The following CALD1 variants were observed in gnomAD, a reference collection of about 807,000 sequenced individuals.
The protein encoded by CALD1 is caldesmon.
CALD1 carries 33 observed loss-of-function variants against 99.9 expected under a neutral mutation model. That is an observed-to-expected ratio of 0.33 (90% CI 0.25 to 0.44). The LOEUF (loss-of-function observed/expected upper bound fraction) is 0.44, where lower values mean the gene tolerates loss of function less well. Ranked by LOEUF, CALD1 falls within the 20% of genes least tolerant of loss-of-function variation. The pLI is 1.00. For synonymous variants in CALD1, 310 were observed against 325.0 expected (o/e 0.95, Z 0.50); for missense variants, 861 against 962.1 (o/e 0.89, Z 1.39).
intron 1 of CALD1, among the ~76,000 whole-genome samples, chr7:134,756,706 T>G (rs1229393142): frequency 1.3e-5 from 2 of 152,232 alleles, no homozygotes; most frequent in African/African-American, 2.4e-5. Flanking sequence ...TTGATTTTAT[T>G]TCTTCCTGAA....
the CALD1 span, among the ~76,000 whole-genome samples, chr7:134,739,109 C>T: frequency 1.3e-5 from 2 of 152,166 alleles, no homozygotes; most frequent in Admixed American, 1.3e-4. Flanking sequence ...ATAGAAGCAA[C>T]GTAAGTGGGG....
At chr7:134,735,687 C>T in the CALD1 span, among the ~76,000 whole-genome samples, 3 of 151,818 alleles carry the variant, frequency 2.0e-5, no homozygotes, top group African/African-American at 4.8e-5. Context: ...TCTAGTATTG[C>T]TCCTGGGACT....
rs112344568 is a variant in CALD1, at chr7:134,761,581, C to T, written c.-130+17218C>T. On this transcript the variant is annotated intron_variant, in intron 1 of 13. Transcript: ENST00000417172. ...TTAATCTCTTTGATCTTCATATCAA[C>T]TCTTGTGAGGCAGCTACTTTACAAG... is the stretch of plus-strand genomic sequence containing the variant. 7.9e-3 allele frequency among the ~76,000 whole-genome samples: 1,205 copies of T among 152,288 alleles called. 15 individuals are homozygous for T. Among genetic ancestry groups the T allele is most frequent in the African/African-American group, 0.027 (1,124 of 41,554 alleles).
intron 3 of CALD1, among the ~76,000 whole-genome samples, chr7:134,876,057 A>G (rs945294264): frequency 1.3e-5 from 2 of 152,206 alleles, no homozygotes; most frequent in African/African-American, 4.8e-5. Flanking sequence ...GCAGGGGAAC[A>G]TTATGTATTC....
the CALD1 span, among the ~76,000 whole-genome samples, chr7:134,737,206 C>A: frequency 6.6e-6 from 1 of 152,172 alleles, no homozygotes; most frequent in African/African-American, 2.4e-5. Context: ...TTCATTGCAG[C>A]CTTGACCTCC....
At chr7:134,826,139 T>C (rs1798982775) in intron 1 of CALD1, among the ~76,000 whole-genome samples, 1 of 152,214 alleles carries the variant, frequency 6.6e-6, no homozygotes, top group African/African-American at 2.4e-5. Context: ...ACTAGCATTT[T>C]TAAATTCTCT....
intron 1 of CALD1, among the ~76,000 whole-genome samples, chr7:134,815,228 T>C (rs1206486550): frequency 6.6e-6 from 1 of 151,988 alleles, no homozygotes; most frequent in African/African-American, 2.4e-5. Context: ...CACACTAATA[T>C]GGTTGGAATT....
intron 3 of CALD1, among the ~76,000 whole-genome samples, chr7:134,874,020 G>A (rs916298928): frequency 2.6e-5 from 4 of 152,164 alleles, no homozygotes; most frequent in African/African-American, 9.7e-5. Flanking sequence ...AGGCAGGAAT[G>A]CGTGACTGAC....
chr7:134,812,028 C>G (rs17168051), intron 1 of CALD1, among the ~76,000 whole-genome samples: 2,094 of 152,226 alleles, frequency 0.014, 32 homozygotes, highest in African/African-American at 0.038. Flanking sequence ...TTTAAATATC[C>G]ACTCGGCATC....
chr7:134,853,402 A>C (rs1586113597), intron 2 of CALD1, among the ~76,000 whole-genome samples: 1 of 152,188 alleles, frequency 6.6e-6, no homozygotes, highest in East Asian at 1.9e-4. Flanking sequence ...TCCCCGTATG[A>C]ATTCATGTCT....
intron 7 of CALD1, among the ~76,000 whole-genome samples, chr7:134,945,577 G>A (rs1806796838): frequency 6.6e-6 from 1 of 152,100 alleles, no homozygotes; most frequent in Non-Finnish European, 1.5e-5. Flanking sequence ...TTTGTAAGAT[G>A]GGGATAATAA....
chr7:134,944,892 T>C (rs1806738002), intron 7 of CALD1, among the ~76,000 whole-genome samples: 1 of 152,232 alleles, frequency 6.6e-6, no homozygotes, highest in Non-Finnish European at 1.5e-5. Flanking sequence ...TAGTGAAAAC[T>C]CTGCATTCTA....
chr7:134,783,235 C>G lies in CALD1; in HGVS notation c.-130+3486C>G, dbSNP rs1425972124. 2.0e-5 allele frequency among the ~76,000 whole-genome samples: 3 copies of G among 152,156 alleles called. No homozygotes were observed. Reference sequence around the variant, plus strand: ...TCGCCTCTCACCTCTTTGCTTCTGTCTTTAGTGCTCCCAGCTGTAACCGAC... The same window carrying G: ...TCGCCTCTCACCTCTTTGCTTCTGTGTTTAGTGCTCCCAGCTGTAACCGAC... On this transcript the variant is annotated intron_variant, in intron 1 of 14. Transcript: ENST00000361675. This position sits in a 1 kb window ranked among gnomAD's most constrained non-coding sequence, Gnocchi z 4.3.
intron 3 of CALD1, among the ~76,000 whole-genome samples, chr7:134,887,008 C>T (rs907841406): frequency 7.9e-5 from 12 of 152,242 alleles, no homozygotes; most frequent in African/African-American, 2.9e-4. Context: ...AATAAAACTA[C>T]ATGCTCACCA....
rs369898278 is a variant in CALD1 at position 134,933,076 on chromosome 7, C to T, written c.307C>T (p.Arg103Cys). 2.5e-6 allele frequency: 4 copies of T among 1,613,822 alleles called. No homozygotes were observed. The highest frequency in any genetic ancestry group is 3.4e-6 in the Non-Finnish European group (4 of 1,179,920). The change falls in exon 5 of 15, where the codon CGT becomes TGT. Residue 103 changes from arginine (R) to cysteine (C), a missense_variant. This residue lies in a region of CALD1 where 123 missense variants were observed against 169.8 expected (regional missense o/e 0.72). Coordinates refer to ENST00000361675, the MANE Select transcript of CALD1 (RefSeq NM_033138.4). ...CGCATTCCTGGAGCGCCTGGCTCGG[C>T]GTGAGGAAAGACGCCAAAAACGCCT... ...EAAFLERLARREERRQKRLQE... is the reference protein window; with the variant it reads ...EAAFLERLARCEERRQKRLQE...
At chr7:134,815,346 G>A (rs1221288921) in intron 1 of CALD1, among the ~76,000 whole-genome samples, 9 of 152,146 alleles carry the variant, frequency 5.9e-5, no homozygotes, top group Admixed American at 2.6e-4. Context: ...TTGTCTCTCC[G>A]GCTGGTCCTC....
At chr7:134,908,143 T>C (rs1325601812) in intron 3 of CALD1, among the ~76,000 whole-genome samples, 1 of 152,136 alleles carries the variant, frequency 6.6e-6, no homozygotes, top group Non-Finnish European at 1.5e-5. Context: ...TAAAAGAGGT[T>C]GAGGATATAG....
the CALD1 span, among the ~76,000 whole-genome samples, chr7:134,726,442 TA>T: frequency 1.1e-4 from 4 of 36,444 alleles, no homozygotes; most frequent in East Asian, 0.019. Flanking sequence ...TATATAGCTT[TA>T]TATATATAAT....
chr7:134,848,288 A>T (rs558085797), intron 2 of CALD1, among the ~76,000 whole-genome samples: 1 of 152,244 alleles, frequency 6.6e-6, no homozygotes, highest in African/African-American at 2.4e-5. Context: ...CCCTTTCGCT[A>T]ATTCAAAACA....
Sources: allele counts gnomAD v4.1 joint callset (sites outside exome capture counted in the v4.1 genomes callset), GRCh38; gene constraint gnomAD v4.1.1; regional missense constraint gnomAD v4.1.1; non-coding constraint Gnocchi (gnomAD v3.1); transcripts MANE v1.5; gene names NCBI Gene and HGNC (gene_info 2026-07-23, HGNC 2026-07-21).